The following IGF2BP2 variants were observed in gnomAD, a reference collection of about 807,000 sequenced individuals.
IGF2BP2 encodes the protein insulin-like growth factor 2 mRNA-binding protein 2.
A neutral mutation model predicts 75.8 loss-of-function variants in IGF2BP2; 17 were observed. The ratio of observed to expected loss-of-function variants is 0.22; its 90% CI spans 0.15 to 0.34. The LOEUF is 0.34. Ranked by LOEUF, IGF2BP2 falls within the 10% of genes least tolerant of loss-of-function variation. The pLI, the probability that IGF2BP2 is intolerant of heterozygous loss-of-function variation, is 1.00. For synonymous variants in IGF2BP2, 288 were observed against 295.6 expected, an observed-to-expected ratio of 0.97 and a Z score of 0.26; for missense variants, 516 against 772.4, an observed-to-expected ratio of 0.67 and a Z score of 3.93.
intron 2 of IGF2BP2, among the ~76,000 whole-genome samples, chr3:185,703,191 T>A (rs1436561259): frequency 1.3e-5 from 2 of 152,210 alleles, no homozygotes; most frequent in African/African-American, 4.8e-5. Flanking sequence ...ATATATGTAA[T>A]CCCAGCTCAT....
intron 2 of IGF2BP2, among the ~76,000 whole-genome samples, chr3:185,776,071 A>G (rs1445426122): frequency 6.6e-6 from 1 of 152,028 alleles, no homozygotes; most frequent in African/African-American, 2.4e-5. Flanking sequence ...CAGTGAGGTC[A>G]CGTCTTTATA....
In IGF2BP2 at chr3:185,798,787, CTTTTTTT is replaced by C. The variant is rs1295081985; in HGVS notation, c.239+24359_239+24365del. 3.8e-4 allele frequency among the ~76,000 whole-genome samples: 51 copies of C among 133,148 alleles called. 2 individuals carry two copies. The East Asian group carries it at 0.01, about 27-fold the overall frequency. 87.4% of individuals were successfully genotyped at this position (133,148 alleles called of 152,430 possible). On this transcript the variant is annotated intron_variant, in intron 2 of 15. Transcript: ENST00000382199. ...AAATATAACTAAGTTTTTCTTTTTT[CTTTTTTT>C]CTTTTTTTTTTTTGAGACAGAATCT...
intron 2 of IGF2BP2, among the ~76,000 whole-genome samples, chr3:185,764,818 A>T (rs1472853634): frequency 6.6e-6 from 1 of 152,174 alleles, no homozygotes; most frequent in Non-Finnish European, 1.5e-5. Flanking sequence ...AAATCCCCTG[A>T]CAGGCTTTAT....
At chr3:185,719,839 AGAAAGGAAGGAAGGAAAGGAAG>A (rs1202076514) in intron 2 of IGF2BP2, among the ~76,000 whole-genome samples, 14 of 152,216 alleles carry the variant, frequency 9.2e-5, no homozygotes, top group Middle Eastern at 3.4e-3. Flanking sequence ...GTCTCAAAAA[AGAAAGGAAGGAAGGAAAGGAAG>A]GAAAGGAAGG....
At chr3:185,749,563 A>T (rs1256256181) in intron 2 of IGF2BP2, among the ~76,000 whole-genome samples, 1 of 152,188 alleles carries the variant, frequency 6.6e-6, no homozygotes, top group African/African-American at 2.4e-5. Flanking sequence ...TCTATCCCCA[A>T]ATCTATCCCT....
intron 2 of IGF2BP2, among the ~76,000 whole-genome samples, chr3:185,779,573 C>A (rs1283603247): frequency 6.6e-6 from 1 of 152,178 alleles, no homozygotes; most frequent in Non-Finnish European, 1.5e-5. Context: ...AAGATTCTTG[C>A]TATTCCAAGT....
intron 2 of IGF2BP2, among the ~76,000 whole-genome samples, chr3:185,796,468 T>A (rs1578334017): frequency 6.7e-6 from 1 of 148,528 alleles, no homozygotes; most frequent in Admixed American, 6.9e-5. Flanking sequence ...GGGCCTGAGG[T>A]AGGAGAATCA....
At chr3:185,781,866 A>C (rs1735246533) in intron 2 of IGF2BP2, among the ~76,000 whole-genome samples, 2 of 152,120 alleles carry the variant, frequency 1.3e-5, no homozygotes, top group Non-Finnish European at 2.9e-5. Flanking sequence ...TTGAAGCATC[A>C]AAGGCTCTTT....
intron 2 of IGF2BP2, among the ~76,000 whole-genome samples, chr3:185,700,169 A>T (rs1723099520): frequency 6.6e-6 from 1 of 152,078 alleles, no homozygotes; most frequent in African/African-American, 2.4e-5. Context: ...CAACAGCCCC[A>T]GAGAGAAATG....
At chr3:185,748,184 G>A (rs988069780) in intron 2 of IGF2BP2, among the ~76,000 whole-genome samples, 10 of 152,152 alleles carry the variant, frequency 6.6e-5, no homozygotes, top group Admixed American at 6.5e-5. Context: ...GATTACAGGC[G>A]TGAGCCACCA....
intron 2 of IGF2BP2, among the ~76,000 whole-genome samples, chr3:185,710,517 G>C (rs1271940520): frequency 6.6e-6 from 1 of 152,144 alleles, no homozygotes; most frequent in Non-Finnish European, 1.5e-5. Flanking sequence ...CGGATCACTT[G>C]AGATCAGGAA....
intron 2 of IGF2BP2, chr3:185,724,726 T>C (rs947937857): frequency 6.6e-6 from 1 of 152,214 alleles, no homozygotes; most frequent in Non-Finnish European, 1.5e-5. Context: ...AATCCCCATA[T>C]CACAGTCTGG....
intron 2 of IGF2BP2, chr3:185,712,682 G>A (rs892542906): frequency 2.1e-4 from 32 of 151,912 alleles, no homozygotes; most frequent in African/African-American, 7.3e-4. Context: ...AGAAAGAAGA[G>A]GTATCCCACA....
At chr3:185,656,650 G>A (rs190233482) in intron 12 of IGF2BP2, among the ~76,000 whole-genome samples, 27 of 152,340 alleles carry the variant, frequency 1.8e-4, no homozygotes, top group Admixed American at 1.8e-3. Context: ...AGCTGGTCTT[G>A]GAGCAGGACC....
chr3:185,778,252 G>A (rs992910431), intron 2 of IGF2BP2, among the ~76,000 whole-genome samples: 1 of 152,074 alleles, frequency 6.6e-6, no homozygotes, highest in Non-Finnish European at 1.5e-5. Flanking sequence ...TCCATCTCAC[G>A]GCACTCACAC....
intron 2 of IGF2BP2, chr3:185,821,067 T>C (rs896795223): frequency 5.9e-6 from 9 of 1,535,348 alleles, no homozygotes; most frequent in Non-Finnish European, 7.9e-6. Flanking sequence ...AACATACAGC[T>C]GCTTCATCCC....
chr3:185,669,576 G>A (rs1314240668), intron 10 of IGF2BP2, among the ~76,000 whole-genome samples: 14 of 141,398 alleles, frequency 9.9e-5, no homozygotes, highest in African/African-American at 3.2e-4. Flanking sequence ...AAAAAAAAAG[G>A]GGGGGGGGTA....
intron 2 of IGF2BP2, among the ~76,000 whole-genome samples, chr3:185,736,413 T>A (rs1234543537): frequency 6.6e-6 from 1 of 152,204 alleles, no homozygotes; most frequent in African/African-American, 2.4e-5. Context: ...CATGGCCACA[T>A]CTCAATCCAA....
At chr3:185,817,053 G>T (rs532145291) in intron 2 of IGF2BP2, among the ~76,000 whole-genome samples, 68 of 152,290 alleles carry the variant, frequency 4.5e-4, no homozygotes, top group African/African-American at 1.6e-3. Flanking sequence ...GTAAATAAGA[G>T]AAAGCTCAAA....
Sources: allele counts gnomAD v4.1 joint callset (sites outside exome capture counted in the v4.1 genomes callset), GRCh38; gene constraint gnomAD v4.1.1; transcripts MANE v1.5; gene names NCBI Gene and HGNC (gene_info 2026-07-23, HGNC 2026-07-21).